ZNF589: variants seen among roughly 807,000 people sequenced by gnomAD.
The protein encoded by ZNF589 is zinc finger protein 589, also known as KRAB-zinc finger protein SZF1-1.
Under a neutral mutation model 13.6 loss-of-function variants are expected in ZNF589, and 17 were observed. The observed-to-expected ratio is 1.25, with a 90% CI of 0.86 to 1.88. The LOEUF is 1.88. Among genes scored for constraint, ZNF589 ranks in the 40% most tolerant of loss-of-function variants. The probability of loss-of-function intolerance (pLI) is 0.00; values close to 1 mark genes in which losing one functional copy is unlikely to be tolerated. For synonymous variants in ZNF589, 148 were observed against 161.6 expected, an observed-to-expected ratio of 0.92 and a Z score of 0.64; for missense variants, 407 against 434.0, an observed-to-expected ratio of 0.94 and a Z score of 0.55.
At chr3:48,247,721 T>G (rs368512126) in intron 2 of ZNF589, 44 bp downstream of exon 2, 2 of 1,604,494 alleles carry the variant, frequency 1.2e-6, no homozygotes, top group African/African-American at 2.7e-5. Context: ...GCTGGCTCAT[T>G]TCTCAGAGAA....
At chr3:48,258,062 A>G (rs943314954) in intron 2 of ZNF589, 9 of 310,058 alleles carry the variant, frequency 2.9e-5, no homozygotes, top group Non-Finnish European at 5.6e-5. Flanking sequence ...CTACAAAAAA[A>G]TCTGGTTGGG....
intron 2 of ZNF589, among the ~76,000 whole-genome samples, chr3:48,252,381 T>C (rs2033847775): frequency 1.3e-5 from 2 of 151,548 alleles, no homozygotes; most frequent in African/African-American, 2.4e-5. Context: ...TTAGTAGAGA[T>C]GGGGTTTCAC....
intron 2 of ZNF589, among the ~76,000 whole-genome samples, chr3:48,255,248 G>A (rs1423549767): frequency 2.0e-5 from 3 of 150,416 alleles, no homozygotes; most frequent in South Asian, 4.2e-4. Context: ...CCATCTTGGT[G>A]CATTGCAACT....
chr3:48,242,191 A>G (rs1336334664), intron 1 of ZNF589, among the ~76,000 whole-genome samples: 3 of 151,424 alleles, frequency 2.0e-5, no homozygotes, highest in Non-Finnish European at 4.4e-5. Context: ...GCTCACTGCA[A>G]CCTCTTTCTC....
At position 48,268,512 on chromosome 3, in the gene ZNF589, A is replaced by G. The variant is rs371210936; in HGVS notation, c.821A>G (p.Lys274Arg). ...IIHQRTHTGE[K>R]PYVCGECGRG... Reference sequence around the variant, plus strand: ...CACCAGAGGACACACACAGGAGAAAAGCCTTATGTCTGCGGAGAGTGTGGG... The same window carrying G: ...CACCAGAGGACACACACAGGAGAAAGGCCTTATGTCTGCGGAGAGTGTGGG... Residue 274 changes from lysine to arginine, a missense_variant, in exon 4 of 4, where the codon AAG becomes AGG. Physicochemically the swap from Lys to Arg is conservative, Grantham distance 26. Coordinates refer to ENST00000354698, the MANE Select transcript of ZNF589 (RefSeq NM_016089.3). 3 of 1,613,854 alleles carry G rather than the reference A, an allele frequency of 1.9e-6. No individual in the cohort carries two copies. In the African/African-American group the frequency reaches 4.0e-5, roughly 22 times the overall value.
Position 48,269,392 on chromosome 3 carries a change from TAAATC to T in ZNF589, c.*609_*613del, listed in dbSNP as rs140779902. ...GCCAGTGTGGGCGAGGCTTTTGTGA[TAAATC>T]AACTCTCCTCGCACACGAGCAGACA... On this transcript the variant is annotated 3_prime_UTR_variant, in exon 4 of 4. Coordinates refer to ENST00000354698, the MANE Select transcript of ZNF589 (RefSeq NM_016089.3). 10,483 of 576,932 alleles carry T rather than the reference TAAATC, an allele frequency of 0.018. 810 individuals are homozygous for T. The highest frequency in any genetic ancestry group is 0.17 in the Admixed American group (5,787 of 34,250). 35.7% of individuals were successfully genotyped at this position (576,932 alleles called of 1,614,324 possible).
At position 48,270,113 on chromosome 3, in the gene ZNF589, A is replaced by G. The variant is rs1322617263; in HGVS notation, c.*1327A>G. On this transcript the variant is annotated 3_prime_UTR_variant, in exon 4 of 4. Coordinates refer to ENST00000354698, the MANE Select transcript of ZNF589 (RefSeq NM_016089.3). ...CAACTGTGTTCTTCCATTAGCTTCC[A>G]TGACACTCTCCTGCTTTATTTTTTT... 6.6e-6 allele frequency: 3 copies of G among 456,926 alleles called. No individual in the cohort carries two copies. Among genetic ancestry groups the G allele is most frequent in the African/African-American group, 6.0e-5 (3 of 50,056 alleles). The allele number at this position is 456,926 out of a possible 1,614,324, so 28.3% of individuals were successfully genotyped here.
rs752669689 is a variant in ZNF589, at chr3:48,270,193, A to G, written c.*1407A>G. ...CCTACCCCACCTTTAGATTTTACTC[A>G]GAGTTCAGTCTCCAGCCCTACAATC... On this transcript the variant is annotated 3_prime_UTR_variant, in exon 4 of 4. Coordinates refer to ENST00000354698, the MANE Select transcript of ZNF589 (RefSeq NM_016089.3). 4 of 457,060 alleles carry G rather than the reference A, an allele frequency of 8.8e-6. No individual in the cohort carries two copies. The highest frequency in any genetic ancestry group is 8.0e-5 in the African/African-American group (4 of 50,046). The allele number at this position is 457,060 out of a possible 1,614,324, so 28.3% of individuals were successfully genotyped here.
rs200867179 is a variant in ZNF589 at position 48,249,079 on chromosome 3, TC to T, written c.96+1405del. ...GCCTTTATCCTTTATTTTCCCGTAT[TC>T]CCTTCTCTGCCCCAACCTTTTTTTT... On this transcript the variant is annotated intron_variant, in intron 2 of 3. Coordinates refer to ENST00000354698, the MANE Select transcript of ZNF589 (RefSeq NM_016089.3). Among the ~76,000 whole-genome samples the T allele has an allele frequency of 3.4e-4, 52 of 151,238 alleles. No homozygotes were observed. In the East Asian group the frequency reaches 9.5e-3, roughly 28 times the overall value.
chr3:48,254,480 A>G (rs566347995), intron 2 of ZNF589, among the ~76,000 whole-genome samples: 3 of 152,348 alleles, frequency 2.0e-5, no homozygotes, highest in East Asian at 3.9e-4. Flanking sequence ...AAACTCTACA[A>G]TCAGTTTCTC....
In ZNF589 at chr3:48,268,732, C is replaced by T; in HGVS notation, c.1041C>T (p.Leu347=). The change falls in exon 4 of 4, where the codon CTC becomes CTT. Residue 347 remains leucine, a synonymous_variant. Transcript: ENST00000354698. ...CGRGFREKSE[L]IKHQRIHTGD... ...GAGGCTTTCGTGAAAAGTCAGAGCT[C>T]ATTAAGCACCAGAGAATTCACACGG... 6.2e-7 allele frequency: 1 copy of T among 1,614,108 alleles called. No individual in the cohort carries two copies. The highest frequency in any genetic ancestry group is 8.5e-7 in the Non-Finnish European group (1 of 1,180,016).
At chr3:48,257,065 T>C in intron 2 of ZNF589, 1 of 490,536 alleles carries the variant, frequency 2.0e-6, no homozygotes, top group South Asian at 1.5e-5. Context: ...GATTTTCTTA[T>C]ATTTTGGGAG....
intron 1 of ZNF589, among the ~76,000 whole-genome samples, chr3:48,242,550 C>T (rs1373440333): frequency 3.3e-5 from 5 of 151,918 alleles, no homozygotes; most frequent in Admixed American, 6.6e-5. Flanking sequence ...GGGATCCTCC[C>T]GCCTCGGTCT....
intron 1 of ZNF589, among the ~76,000 whole-genome samples, chr3:48,243,364 T>C (rs1021491291): frequency 6.6e-6 from 1 of 152,126 alleles, no homozygotes; most frequent in African/African-American, 2.4e-5. Context: ...TGGATTTGGC[T>C]TGTGTGTAGT....
At chr3:48,245,767 T>C (rs1317088126) in intron 1 of ZNF589, among the ~76,000 whole-genome samples, 1 of 152,028 alleles carries the variant, frequency 6.6e-6, no homozygotes, top group East Asian at 1.9e-4. Context: ...GCCAACATGG[T>C]GAAACCCTGT....
chr3:48,265,270 CCT>C (rs1491585833), intron 3 of ZNF589, among the ~76,000 whole-genome samples: 9 of 113,424 alleles, frequency 7.9e-5, no homozygotes, highest in Non-Finnish European at 1.4e-4. Flanking sequence ...CTGTGCCCGG[CCT>C]TTTTTTTTTT....
chr3:48,265,271 C>CTTTTTT (rs35060812), intron 3 of ZNF589, among the ~76,000 whole-genome samples: 4 of 47,838 alleles, frequency 8.4e-5, no homozygotes, highest in South Asian at 8.8e-4. Context: ...TGTGCCCGGC[C>CTTTTTT]TTTTTTTTTT....
At chr3:48,252,056 A>G (rs1018991332) in intron 2 of ZNF589, among the ~76,000 whole-genome samples, 6 of 151,472 alleles carry the variant, frequency 4.0e-5, no homozygotes, top group African/African-American at 1.5e-4. Flanking sequence ...AAGAAAAATC[A>G]ATTGTGGGTC....
At chr3:48,249,582 C>T (rs778444419) in intron 2 of ZNF589, among the ~76,000 whole-genome samples, 2 of 152,184 alleles carry the variant, frequency 1.3e-5, no homozygotes, top group Admixed American at 6.5e-5. Context: ...TTCAGCACTT[C>T]TATAGCTATT....
Sources: gnomAD v4.1 joint callset for allele counts (sites outside exome capture counted in the v4.1 genomes callset) on GRCh38, gnomAD v4.1.1 for gene constraint, MANE v1.5 for transcripts, NCBI Gene and HGNC (gene_info 2026-07-23, HGNC 2026-07-21) for gene names.